TENM2: variants seen among roughly 807,000 people sequenced by gnomAD.
The protein encoded by TENM2 is teneurin-2.
Under a neutral mutation model 245.2 loss-of-function variants are expected in TENM2, and 52 were observed. The ratio of observed to expected loss-of-function variants is 0.21; its 90% CI spans 0.17 to 0.27. The LOEUF (loss-of-function observed/expected upper bound fraction) is 0.27. Among genes scored for constraint, TENM2 ranks in the 10% least tolerant of loss-of-function variants. The pLI, the probability that TENM2 is intolerant of heterozygous loss-of-function variation, is 1.00. For synonymous variants in TENM2, 1,363 were observed against 1,438.9 expected (o/e 0.95, Z 1.19); for missense variants, 3,046 against 3,666.8 (o/e 0.83, Z 4.37).
chr5:167,625,477 C>T (rs1002154278), intron 2 of TENM2, among the ~76,000 whole-genome samples: 3 of 152,018 alleles, frequency 2.0e-5, no homozygotes, highest in African/African-American at 7.2e-5. Flanking sequence ...TTATTTAAAA[C>T]AATGCTTATA....
chr5:167,462,778 G>A (rs890302019), intron 2 of TENM2, among the ~76,000 whole-genome samples: 12 of 151,926 alleles, frequency 7.9e-5, no homozygotes, highest in Admixed American at 2.0e-4. Flanking sequence ...ACTGTGGCGC[G>A]TAGAGGGCCA....
intron 2 of TENM2, among the ~76,000 whole-genome samples, chr5:167,548,927 TAATTAATAATCCTGCAG>T (rs1235448095): frequency 6.6e-6 from 1 of 152,216 alleles, no homozygotes; most frequent in Admixed American, 6.5e-5. Context: ...TAAGTAGTGC[TAATTAATAATCCTGCAG>T]AATTGTAGAG....
Position 167,379,433 on chromosome 5 carries a change from G to A in TENM2, c.502+3960G>A, listed in dbSNP as rs187458784. 9.5e-4 allele frequency among the ~76,000 whole-genome samples: 145 copies of A among 152,172 alleles called. 2 individuals carry two copies. The highest frequency in any genetic ancestry group is 8.5e-4 in the Admixed American group (13 of 15,278). On this transcript the variant is annotated intron_variant, in intron 2 of 28. Transcript: ENST00000518659. ...TCCTTAGATTGTTACTGCCAACCAA[G>A]TTGCATTCATTTGTCATTTAAGGTG...
chr5:167,517,505 T>C (rs192701397), intron 2 of TENM2, among the ~76,000 whole-genome samples: 1 of 152,236 alleles, frequency 6.6e-6, no homozygotes, highest in East Asian at 1.9e-4. Context: ...CTCCTAGTGC[T>C]TATGAACTGC....
At chr5:168,191,024 C>T (rs1325855974) in intron 14 of TENM2, 1 of 155,500 alleles carries the variant, frequency 6.4e-6, no homozygotes, top group Non-Finnish European at 1.4e-5. Context: ...TATTGAGCAC[C>T]TAGGATGAGC....
the TENM2 span, among the ~76,000 whole-genome samples, chr5:167,048,181 G>T: frequency 1.2e-4 from 19 of 152,154 alleles, no homozygotes; most frequent in East Asian, 2.5e-3. Context: ...ATCTGTTTGG[G>T]TTAGCATTTA....
At chr5:167,505,407 A>T (rs532944770) in intron 2 of TENM2, among the ~76,000 whole-genome samples, 3 of 152,292 alleles carry the variant, frequency 2.0e-5, no homozygotes, top group South Asian at 2.1e-4. Flanking sequence ...ATTAGCTGCC[A>T]CTTAGTTGTT....
intron 4 of TENM2, among the ~76,000 whole-genome samples, chr5:167,953,057 C>T (rs1257671025): frequency 6.6e-6 from 1 of 152,210 alleles, no homozygotes; most frequent in Non-Finnish European, 1.5e-5. Context: ...TCTCGGATAG[C>T]TCTTGTGTAC....
chr5:168,034,172 TACAC>T (rs397839230), intron 5 of TENM2, among the ~76,000 whole-genome samples: 2 of 84,756 alleles, frequency 2.4e-5, no homozygotes, highest in Non-Finnish European at 5.5e-5. Flanking sequence ...TGTATATATA[TACAC>T]ACACACACAC....
At chr5:167,233,338 G>GTGC in the TENM2 span, among the ~76,000 whole-genome samples, 1 of 139,214 alleles carries the variant, frequency 7.2e-6, no homozygotes, top group African/African-American at 2.9e-5. Flanking sequence ...TAGGAAGATA[G>GTGC]CGGCCCCCCT....
At chr5:167,057,770 A>G in the TENM2 span, among the ~76,000 whole-genome samples, 1 of 152,300 alleles carries the variant, frequency 6.6e-6, no homozygotes, top group Admixed American at 6.5e-5. Context: ...GCTCTGGTGT[A>G]TTTCAAAATA....
chr5:167,505,188 C>G lies in TENM2; in HGVS notation c.502+129715C>G, dbSNP rs191927299. On this transcript the variant is annotated intron_variant, in intron 2 of 28. Transcript: ENST00000518659. ...TTTCTTAGTAATGATTGAAAGCTGC[C>G]TCGGTATCATTATGTTTGATATTCA... Among the ~76,000 whole-genome samples, 261 of 152,160 alleles carry G rather than the reference C, an allele frequency of 1.7e-3. 1 individual carries two copies. Among genetic ancestry groups the G allele is most frequent in the African/African-American group, 5.9e-3 (246 of 41,516 alleles).
At chr5:167,898,287 C>T (rs1320930711) in intron 3 of TENM2, among the ~76,000 whole-genome samples, 1 of 152,064 alleles carries the variant, frequency 6.6e-6, no homozygotes, top group Admixed American at 6.6e-5. Context: ...TTCCCTGGAC[C>T]TAGGGAATTG....
At chr5:167,768,079 C>A (rs142288013) in intron 2 of TENM2, among the ~76,000 whole-genome samples, 2 of 152,154 alleles carry the variant, frequency 1.3e-5, no homozygotes, top group Non-Finnish European at 2.9e-5. Context: ...ATTAGTAATG[C>A]GCGTCTTCCA....
chr5:167,695,736 AAAAAC>A (rs1757718083), intron 2 of TENM2, among the ~76,000 whole-genome samples: 1 of 151,688 alleles, frequency 6.6e-6, no homozygotes, highest in African/African-American at 2.4e-5. Flanking sequence ...TAAAAAAAAA[AAAAAC>A]AAAACAGAAT....
At chr5:167,594,910 T>C (rs1776101940) in intron 2 of TENM2, among the ~76,000 whole-genome samples, 1 of 152,204 alleles carries the variant, frequency 6.6e-6, no homozygotes, top group Non-Finnish European at 1.5e-5. Flanking sequence ...AGGTTGATTG[T>C]TTCTGGCAGT....
At chr5:167,572,061 C>A (rs1477173663) in intron 2 of TENM2, among the ~76,000 whole-genome samples, 1 of 152,216 alleles carries the variant, frequency 6.6e-6, no homozygotes, top group Non-Finnish European at 1.5e-5. Context: ...GTTCTCCATT[C>A]TCTGCTCTGC....
At chr5:167,354,040 G>C (rs779762385) in intron 1 of TENM2, among the ~76,000 whole-genome samples, 1 of 152,176 alleles carries the variant, frequency 6.6e-6, no homozygotes, top group Non-Finnish European at 1.5e-5. Flanking sequence ...ATGGAACTAC[G>C]ACCTTTTCTC....
At chr5:167,381,498 A>T (rs1761093102) in intron 2 of TENM2, among the ~76,000 whole-genome samples, 1 of 152,182 alleles carries the variant, frequency 6.6e-6, no homozygotes, top group Admixed American at 6.5e-5. Flanking sequence ...TAGATTAACA[A>T]CCAACATTTT....
Sources: gnomAD v4.1 joint callset for allele counts (sites outside exome capture counted in the v4.1 genomes callset) on GRCh38, gnomAD v4.1.1 for gene constraint, MANE v1.5 for transcripts, NCBI Gene and HGNC (gene_info 2026-07-23, HGNC 2026-07-21) for gene names.